TMTC2: variants seen among roughly 807,000 people sequenced by gnomAD.
TMTC2 encodes the protein protein O-mannosyl-transferase TMTC2.
TMTC2 carries 43 observed loss-of-function variants against 82.4 expected under a neutral mutation model. That is an observed-to-expected ratio of 0.52 (90% CI 0.41 to 0.67). The LOEUF (loss-of-function observed/expected upper bound fraction) is 0.67. Among genes scored for constraint, TMTC2 ranks in the 30% least tolerant of loss-of-function variants. The probability of loss-of-function intolerance (pLI) is 0.00; values close to 1 mark genes in which losing one functional copy is unlikely to be tolerated. For missense variants in TMTC2, 919 were observed against 1,012.4 expected (o/e 0.91, Z 1.25); for synonymous variants, 408 against 381.9 (o/e 1.07, Z -0.80).
At chr12:82,996,644 G>T (rs1879629420) in intron 8 of TMTC2, among the ~76,000 whole-genome samples, 1 of 152,140 alleles carries the variant, frequency 6.6e-6, no homozygotes, top group South Asian at 2.1e-4. Flanking sequence ...TTTGACATTA[G>T]CTGTATGGCA....
chr12:82,889,645 GGTA>G lies in TMTC2; in HGVS notation c.655-6169_655-6167del, dbSNP rs555557499. 2.6e-3 allele frequency among the ~76,000 whole-genome samples: 399 copies of G among 152,154 alleles called. 1 individual carries two copies. Among genetic ancestry groups the G allele is most frequent in the African/African-American group, 9.3e-3 (386 of 41,516 alleles). On this transcript the variant is annotated intron_variant, in intron 2 of 11. Coordinates refer to ENST00000321196, the MANE Select transcript of TMTC2 (RefSeq NM_152588.3). Reference sequence around the variant, plus strand: ...TCACAAAAATATTTTTCACAAATAAGGTAGTATTTTTCTGAATGAACTTTATGA... The same window carrying G: ...TCACAAAAATATTTTTCACAAATAAGGTATTTTTCTGAATGAACTTTATGA...
At chr12:82,887,931 T>A (rs901126759) in intron 2 of TMTC2, among the ~76,000 whole-genome samples, 1 of 151,810 alleles carries the variant, frequency 6.6e-6, no homozygotes, top group African/African-American at 2.4e-5. Flanking sequence ...AATACAAAAT[T>A]AGCCTGGCGT....
intron 1 of TMTC2, among the ~76,000 whole-genome samples, chr12:82,830,218 A>G (rs903737605): frequency 3.9e-5 from 6 of 152,190 alleles, no homozygotes; most frequent in Non-Finnish European, 8.8e-5. Flanking sequence ...TCACAAATTA[A>G]ACTGCATTGT....
intron 1 of TMTC2, among the ~76,000 whole-genome samples, chr12:82,713,115 T>C (rs559884791): frequency 4.0e-4 from 61 of 151,970 alleles, no homozygotes; most frequent in Non-Finnish European, 7.4e-4. Context: ...AGGTCAGGGG[T>C]TCGAGACCAG....
chr12:82,799,875 G>T (rs920824655), intron 1 of TMTC2, among the ~76,000 whole-genome samples: 1 of 152,034 alleles, frequency 6.6e-6, no homozygotes. Flanking sequence ...AAGTTTCATG[G>T]CAAAGCTTTC....
chr12:82,816,638 CA>C lies in TMTC2; in HGVS notation c.84-40367del, dbSNP rs1233488893. Among the ~76,000 whole-genome samples the C allele has an allele frequency of 4.6e-5, 7 of 152,132 alleles. No individual in the cohort carries two copies. The South Asian group carries it at 1.0e-3, about 23-fold the overall frequency. ...GTGTCTCCTTTACCTTGGGACCCAC[CA>C]AAAACCTGCTGTTTTTACATCAAAT... On this transcript the variant is annotated intron_variant, in intron 1 of 11. Coordinates refer to ENST00000321196, the MANE Select transcript of TMTC2 (RefSeq NM_152588.3).
chr12:82,877,457 ATT>A (rs931199035), intron 2 of TMTC2, among the ~76,000 whole-genome samples: 32 of 152,296 alleles, frequency 2.1e-4, no homozygotes, highest in African/African-American at 7.5e-4. Context: ...TGAAGTAGAT[ATT>A]TTAAGACCTT....
chr12:82,863,117 C>A (rs998497206), intron 2 of TMTC2, among the ~76,000 whole-genome samples: 3 of 152,062 alleles, frequency 2.0e-5, no homozygotes, highest in African/African-American at 4.8e-5. Context: ...GGCATTGTCC[C>A]TTTTGTTTCT....
At chr12:83,002,106 A>G (rs1171175959) in intron 8 of TMTC2, among the ~76,000 whole-genome samples, 1 of 152,090 alleles carries the variant, frequency 6.6e-6, no homozygotes, top group Non-Finnish European at 1.5e-5. Context: ...CATCCAGTGG[A>G]AATCTTTTTT....
intron 3 of TMTC2, among the ~76,000 whole-genome samples, chr12:82,905,235 A>C (rs1344699642): frequency 6.6e-6 from 1 of 152,060 alleles, no homozygotes; most frequent in African/African-American, 2.4e-5. Flanking sequence ...CAGGCCAACA[A>C]AGTTATAGAT....
At chr12:82,753,881 A>G (rs868194784) in intron 1 of TMTC2, among the ~76,000 whole-genome samples, 5 of 152,346 alleles carry the variant, frequency 3.3e-5, no homozygotes, top group Middle Eastern at 3.4e-3. Flanking sequence ...AAAGCGTACT[A>G]TATTAATTGG....
chr12:83,034,509 G>A (rs557747583), intron 9 of TMTC2, among the ~76,000 whole-genome samples: 2 of 152,300 alleles, frequency 1.3e-5, no homozygotes, highest in East Asian at 3.9e-4. Context: ...GAGTGTACCG[G>A]AAGGGACCAT....
intron 1 of TMTC2, among the ~76,000 whole-genome samples, chr12:82,764,220 C>T (rs552942546): frequency 1.3e-5 from 2 of 152,260 alleles, no homozygotes; most frequent in Admixed American, 1.3e-4. Flanking sequence ...TCACTGCAAC[C>T]TCCGCCTCCC....
intron 8 of TMTC2, among the ~76,000 whole-genome samples, chr12:83,022,666 A>C (rs1232227110): frequency 2.6e-5 from 4 of 151,970 alleles, no homozygotes; most frequent in Admixed American, 2.0e-4. Flanking sequence ...AGCGTAGTAC[A>C]TTTTTTTAAC....
intron 9 of TMTC2, among the ~76,000 whole-genome samples, chr12:83,038,873 T>A (rs1264224642): frequency 6.6e-6 from 1 of 152,018 alleles, no homozygotes; most frequent in Non-Finnish European, 1.5e-5. Flanking sequence ...AATGAGCACG[T>A]TACTTTTATG....
At chr12:82,698,612 C>A (rs1186904948) in intron 1 of TMTC2, among the ~76,000 whole-genome samples, 1 of 152,006 alleles carries the variant, frequency 6.6e-6, no homozygotes, top group Non-Finnish European at 1.5e-5. Context: ...AGTACCAAAC[C>A]CTGTATATAG....
intron 1 of TMTC2, among the ~76,000 whole-genome samples, chr12:82,852,021 A>G (rs540916281): frequency 2.0e-5 from 3 of 152,258 alleles, no homozygotes; most frequent in South Asian, 2.1e-4. Flanking sequence ...AGGAAAAATC[A>G]TAAGGCAACA....
chr12:82,921,078 C>A (rs181663753), intron 3 of TMTC2, among the ~76,000 whole-genome samples: 16 of 152,000 alleles, frequency 1.1e-4, no homozygotes, highest in Admixed American at 3.9e-4. Context: ...TATTTTGTTA[C>A]TACTGAGGGT....
chr12:82,924,848 CA>C (rs1875609370), intron 3 of TMTC2, among the ~76,000 whole-genome samples: 2 of 152,252 alleles, frequency 1.3e-5, no homozygotes, highest in East Asian at 3.9e-4. Context: ...AGTCAAATCA[CA>C]AAATCCCTCA....
Sources: gnomAD v4.1 joint callset for allele counts (sites outside exome capture counted in the v4.1 genomes callset) on GRCh38, gnomAD v4.1.1 for gene constraint, MANE v1.5 for transcripts, NCBI Gene and HGNC (gene_info 2026-07-23, HGNC 2026-07-21) for gene names.